Variants in NTN1 observed in about 807,000 individuals in gnomAD.
NTN1 encodes netrin 1.
A neutral mutation model predicts 54.2 loss-of-function variants in NTN1; 11 were observed. The ratio of observed to expected loss-of-function variants is 0.20; its 90% CI spans 0.13 to 0.34. The LOEUF (loss-of-function observed/expected upper bound fraction) is 0.34. Among genes scored for constraint, NTN1 ranks in the 10% least tolerant of loss-of-function variants. The pLI is 1.00. For missense variants in NTN1, 740 were observed against 893.1 expected (o/e 0.83, Z 2.18); for synonymous variants, 371 against 382.0 (o/e 0.97, Z 0.33).
At chr17:9,038,139 C>T (rs1041784317) in intron 2 of NTN1, among the ~76,000 whole-genome samples, 1 of 152,116 alleles carries the variant, frequency 6.6e-6, no homozygotes, top group African/African-American at 2.4e-5. Context: ...GGTCAAATAT[C>T]ACTTCTGTGA....
rs549774869 is a variant in NTN1, at chr17:9,226,625, A to C, written c.1486+5383A>C. ...CCCTCTAGGGGATCCGGCTGTTCTT[A>C]CAAATGCTTGGAGGAGAGCCGCCAG... On this transcript the variant is annotated intron_variant, in intron 6 of 6. Coordinates refer to ENST00000173229, the MANE Select transcript of NTN1 (RefSeq NM_004822.3). Among the ~76,000 whole-genome samples the C allele has an allele frequency of 2.6e-4, 40 of 152,206 alleles. 1 individual carries two copies. Among genetic ancestry groups the C allele is most frequent in the African/African-American group, 8.7e-4 (36 of 41,518 alleles).
intron 2 of NTN1, among the ~76,000 whole-genome samples, chr17:9,068,696 C>T (rs1417069386): frequency 2.6e-5 from 4 of 151,930 alleles, no homozygotes; most frequent in Admixed American, 1.3e-4. Context: ...TTAGTAGAGA[C>T]GAGGTTTCTC....
At chr17:9,077,088 T>A (rs2092052936) in intron 2 of NTN1, among the ~76,000 whole-genome samples, 1 of 152,178 alleles carries the variant, frequency 6.6e-6, no homozygotes, top group South Asian at 2.1e-4. Flanking sequence ...TGTCTTCTGT[T>A]TGGGGCATCT....
Position 9,041,790 on chromosome 17 carries a change from C to T in NTN1, c.1018+18399C>T, listed in dbSNP as rs139275920. 2.5e-3 allele frequency among the ~76,000 whole-genome samples: 375 copies of T among 152,042 alleles called. 1 individual carries two copies. The highest frequency in any genetic ancestry group is 8.7e-3 in the African/African-American group (362 of 41,482). ...TTGGGAGGCGGAGGCGGGTGGATCACTGGAGGTCAGGAGTTCGAGACCAGC... is the reference window on the plus strand; with the variant it reads ...TTGGGAGGCGGAGGCGGGTGGATCATTGGAGGTCAGGAGTTCGAGACCAGC... On this transcript the variant is annotated intron_variant, in intron 2 of 6. Coordinates refer to ENST00000173229, the MANE Select transcript of NTN1 (RefSeq NM_004822.3).
intron 2 of NTN1, among the ~76,000 whole-genome samples, chr17:9,068,592 T>A (rs2092022954): frequency 6.6e-6 from 1 of 150,830 alleles, no homozygotes; most frequent in Non-Finnish European, 1.5e-5. Flanking sequence ...CACCACAACC[T>A]CTGCCCTCTG....
intron 5 of NTN1, among the ~76,000 whole-genome samples, chr17:9,200,325 C>T (rs79362803): frequency 6.6e-6 from 1 of 152,320 alleles, no homozygotes; most frequent in Admixed American, 6.5e-5. Flanking sequence ...GGGGCTGGCC[C>T]GGTGGGAGCA....
intron 2 of NTN1, among the ~76,000 whole-genome samples, chr17:9,156,702 T>A (rs2092343394): frequency 6.6e-6 from 1 of 152,184 alleles, no homozygotes. Flanking sequence ...TGGGTTTTTC[T>A]CTCTAAAGCA....
intron 2 of NTN1, among the ~76,000 whole-genome samples, chr17:9,158,986 G>T (rs190907073): frequency 3.0e-4 from 45 of 152,292 alleles, no homozygotes; most frequent in Middle Eastern, 6.8e-3. Flanking sequence ...AATGACTAAT[G>T]GGTGAGTGAC....
At chr17:9,140,527 G>T (rs1157107927) in intron 2 of NTN1, among the ~76,000 whole-genome samples, 1 of 152,240 alleles carries the variant, frequency 6.6e-6, no homozygotes, top group East Asian at 1.9e-4. Context: ...GTGTGCAGGT[G>T]TGGGTCAGAC....
At position 9,239,848 on chromosome 17, in the gene NTN1, G is replaced by A; in HGVS notation, c.1695G>A (p.Pro565=). Reference sequence around the variant, plus strand: ...TGCTGGGCAACGCGGAGGACTCTCCGGACCAGAGCGGCATCGTGGCCGATA... The same window carrying A: ...TGCTGGGCAACGCGGAGGACTCTCCAGACCAGAGCGGCATCGTGGCCGATA... The part of the protein sequence containing the change: ...YLLLGNAEDS[P]DQSGIVADKS... Residue 565 remains proline (P), a synonymous_variant, in exon 7 of 7, where the codon CCG becomes CCA. Coordinates refer to ENST00000173229, the MANE Select transcript of NTN1 (RefSeq NM_004822.3). This position sits in a 1 kb window ranked among gnomAD's most constrained non-coding sequence, Gnocchi z 5.2. The A allele has an allele frequency of 4.3e-6, 7 of 1,612,814 alleles. No homozygotes were observed. Among genetic ancestry groups the A allele is most frequent in the Non-Finnish European group, 5.1e-6 (6 of 1,179,816 alleles).
chr17:9,189,187 A>G (rs1046555782), intron 5 of NTN1, among the ~76,000 whole-genome samples: 1 of 152,170 alleles, frequency 6.6e-6, no homozygotes, highest in African/African-American at 2.4e-5. Flanking sequence ...CCATGGAGCT[A>G]GGTACTGTCA....
intron 2 of NTN1, among the ~76,000 whole-genome samples, chr17:9,101,054 T>C (rs1052808308): frequency 3.9e-5 from 6 of 152,232 alleles, no homozygotes; most frequent in Non-Finnish European, 7.3e-5. Context: ...CGACATTTTC[T>C]CTTTATTAAA....
At chr17:9,127,024 G>A (rs1230654556) in intron 2 of NTN1, among the ~76,000 whole-genome samples, 3 of 149,220 alleles carry the variant, frequency 2.0e-5, no homozygotes, top group African/African-American at 7.4e-5. Flanking sequence ...GGAGGCCCTA[G>A]GGACATGGGA....
At chr17:9,236,583 C>T (rs1395688863) in intron 6 of NTN1, among the ~76,000 whole-genome samples, 1 of 152,238 alleles carries the variant, frequency 6.6e-6, no homozygotes, top group Admixed American at 6.5e-5. Context: ...ATGAGTCCTA[C>T]CACTACCTGT....
At chr17:9,200,283 G>C (rs532231604) in intron 5 of NTN1, among the ~76,000 whole-genome samples, 2 of 152,314 alleles carry the variant, frequency 1.3e-5, no homozygotes, top group South Asian at 4.1e-4. Flanking sequence ...AAAATCCCCT[G>C]TTCACTGGGA....
intron 2 of NTN1, among the ~76,000 whole-genome samples, chr17:9,045,763 G>A (rs2091939681): frequency 6.6e-6 from 1 of 152,134 alleles, no homozygotes; most frequent in African/African-American, 2.4e-5. Flanking sequence ...CAAGCCAAAA[G>A]TTGATTGTTT....
chr17:9,125,724 G>C (rs967206209), intron 2 of NTN1, among the ~76,000 whole-genome samples: 2 of 152,096 alleles, frequency 1.3e-5, no homozygotes, highest in African/African-American at 4.8e-5. Flanking sequence ...CTCCACCTCA[G>C]CCTCCCAAAG....
chr17:9,013,903 G>C, the NTN1 span, among the ~76,000 whole-genome samples: 8 of 152,054 alleles, frequency 5.3e-5, no homozygotes, highest in Admixed American at 2.6e-4. Context: ...AATAGCATTT[G>C]GGGTGGAACC....
intron 6 of NTN1, among the ~76,000 whole-genome samples, chr17:9,232,314 C>T (rs1905841482): frequency 1.3e-5 from 2 of 152,226 alleles, no homozygotes; most frequent in African/African-American, 4.8e-5. Context: ...CTACTTAAGC[C>T]TCTTGCTAAG....
Sources: allele counts gnomAD v4.1 joint callset (sites outside exome capture counted in the v4.1 genomes callset), GRCh38; gene constraint gnomAD v4.1.1; non-coding constraint Gnocchi (gnomAD v3.1); transcripts MANE v1.5; gene names NCBI Gene and HGNC (gene_info 2026-07-23, HGNC 2026-07-21).